The following CSMD1 variants were observed in gnomAD, a reference collection of about 807,000 sequenced individuals.
CSMD1 encodes the protein CUB and sushi domain-containing protein 1.
Under a neutral mutation model 417.5 loss-of-function variants are expected in CSMD1, and 213 were observed. That is an observed-to-expected ratio of 0.51 (90% CI 0.46 to 0.57). The LOEUF (loss-of-function observed/expected upper bound fraction) is 0.57. Among genes scored for constraint, CSMD1 ranks in the 20% least tolerant of loss-of-function variants. The pLI is 0.00. For synonymous variants in CSMD1, 2,862 were observed against 1,736.8 expected, an observed-to-expected ratio of 1.65 and a Z score of -16.11; for missense variants, 6,923 against 4,529.7, an observed-to-expected ratio of 1.53 and a Z score of -15.17.
At chr8:4,044,481 G>C (rs934281221) in intron 3 of CSMD1, among the ~76,000 whole-genome samples, 4 of 152,168 alleles carry the variant, frequency 2.6e-5, no homozygotes, top group East Asian at 1.9e-4. Context: ...TCACATCTCA[G>C]GGGACCAGCG....
At chr8:4,009,377 T>C (rs190176689) in intron 4 of CSMD1, among the ~76,000 whole-genome samples, 69 of 152,328 alleles carry the variant, frequency 4.5e-4, no homozygotes, top group African/African-American at 1.6e-3. Flanking sequence ...AGAACATTAC[T>C]TAGAAGCAAA....
At chr8:3,091,793 A>G in intron 47 of CSMD1, 131 bp from the exon 48 acceptor site, 1 of 681,640 alleles carries the variant, frequency 1.5e-6, no homozygotes, top group South Asian at 2.4e-5. Context: ...AAAAGTGGAC[A>G]ACAAATTCCA....
At chr8:3,428,137 T>C (rs984269079) in intron 12 of CSMD1, among the ~76,000 whole-genome samples, 11 of 152,348 alleles carry the variant, frequency 7.2e-5, no homozygotes, top group African/African-American at 2.6e-4. Flanking sequence ...TGTTAAATTA[T>C]TATATAGGTT....
chr8:4,443,255 T>C (rs1378580426), intron 2 of CSMD1, among the ~76,000 whole-genome samples: 10 of 152,182 alleles, frequency 6.6e-5, no homozygotes, highest in Admixed American at 1.3e-4. Flanking sequence ...TAATGTCAAA[T>C]CATCAGCATC....
At chr8:4,373,343 G>C (rs1196459212) in intron 3 of CSMD1, among the ~76,000 whole-genome samples, 1 of 152,176 alleles carries the variant, frequency 6.6e-6, no homozygotes. Context: ...AGGATTTTTA[G>C]TTAATAACGT....
chr8:3,685,474 A>G (rs2129030575), intron 7 of CSMD1, among the ~76,000 whole-genome samples: 1 of 151,890 alleles, frequency 6.6e-6, no homozygotes, highest in East Asian at 1.9e-4. Context: ...CTGCAGCCGA[A>G]GGAGATGGGA....
chr8:2,972,638 C>A (rs140884759), intron 57 of CSMD1, among the ~76,000 whole-genome samples: 2 of 152,256 alleles, frequency 1.3e-5, no homozygotes, highest in South Asian at 2.1e-4. Context: ...TAGACCCACT[C>A]CAAAATAGTT....
intron 3 of CSMD1, among the ~76,000 whole-genome samples, chr8:4,121,210 G>A (rs1430930220): frequency 2.0e-5 from 3 of 152,082 alleles, no homozygotes; most frequent in Non-Finnish European, 4.4e-5. Context: ...TGCCTCTCGG[G>A]TTCAAGCAAT....
At chr8:4,234,701 G>C (rs1801941594) in intron 3 of CSMD1, among the ~76,000 whole-genome samples, 1 of 152,152 alleles carries the variant, frequency 6.6e-6, no homozygotes, top group South Asian at 2.1e-4. Context: ...GAATGGTGTG[G>C]TGTACGGCCA....
intron 10 of CSMD1, among the ~76,000 whole-genome samples, chr8:3,496,449 C>G (rs982263410): frequency 1.3e-5 from 2 of 152,218 alleles, no homozygotes; most frequent in South Asian, 2.1e-4. Context: ...GGCCACAGAG[C>G]TAGGAGTGTT....
intron 3 of CSMD1, among the ~76,000 whole-genome samples, chr8:4,066,156 C>G (rs1049243576): frequency 7.9e-5 from 12 of 152,164 alleles, no homozygotes; most frequent in Admixed American, 5.9e-4. Context: ...GAAGACTCAC[C>G]CATTATTTCT....
At chr8:3,592,297 C>A (rs187654604) in intron 8 of CSMD1, among the ~76,000 whole-genome samples, 1 of 152,136 alleles carries the variant, frequency 6.6e-6, no homozygotes, top group East Asian at 1.9e-4. Flanking sequence ...CCACTTCAAA[C>A]ATATACTTCA....
chr8:3,233,028 C>G (rs1798931362), intron 26 of CSMD1, among the ~76,000 whole-genome samples: 1 of 151,820 alleles, frequency 6.6e-6, no homozygotes, highest in Non-Finnish European at 1.5e-5. Context: ...ACATAGTTGA[C>G]TGATGATTGT....
intron 25 of CSMD1, among the ~76,000 whole-genome samples, chr8:3,290,007 G>A (rs577920622): frequency 6.8e-6 from 1 of 147,296 alleles, no homozygotes; most frequent in East Asian, 2.0e-4. Context: ...TTTTGTGTAA[G>A]GTGTAAGGAA....
At chr8:4,757,686 T>C (rs1015832332) in intron 1 of CSMD1, among the ~76,000 whole-genome samples, 4 of 152,138 alleles carry the variant, frequency 2.6e-5, no homozygotes, top group Admixed American at 1.3e-4. Flanking sequence ...ATGCTGGGCA[T>C]GGTGGCTTAT....
At chr8:4,493,077 G>C (rs181109114) in intron 2 of CSMD1, among the ~76,000 whole-genome samples, 1 of 152,092 alleles carries the variant, frequency 6.6e-6, no homozygotes, top group Non-Finnish European at 1.5e-5. Context: ...TAATACATTT[G>C]CTTATAAAAG....
At chr8:4,364,045 T>C (rs1343835472) in intron 3 of CSMD1, among the ~76,000 whole-genome samples, 1 of 152,214 alleles carries the variant, frequency 6.6e-6, no homozygotes, top group Non-Finnish European at 1.5e-5. Flanking sequence ...ACTAAGACTA[T>C]AATTGAATTG....
intron 26 of CSMD1, among the ~76,000 whole-genome samples, chr8:3,240,201 A>G (rs73185537): frequency 0.096 from 14,622 of 152,060 alleles, 834 homozygotes; most frequent in Admixed American, 0.15. Flanking sequence ...TGCGCAGCCC[A>G]CACTTCAGCT....
intron 1 of CSMD1, among the ~76,000 whole-genome samples, chr8:4,803,692 T>G (rs1055078990): frequency 1.3e-5 from 2 of 152,206 alleles, no homozygotes; most frequent in Non-Finnish European, 2.9e-5. Context: ...TTAAGCTCAT[T>G]TCTGCTTTTT....
Sources: gnomAD v4.1 joint callset for allele counts (sites outside exome capture counted in the v4.1 genomes callset) on GRCh38, gnomAD v4.1.1 for gene constraint, MANE v1.5 for transcripts, NCBI Gene and HGNC (gene_info 2026-07-23, HGNC 2026-07-21) for gene names.